Variants in GRM5 observed in about 807,000 individuals in gnomAD.
GRM5 encodes the protein metabotropic glutamate receptor 5.
Under a neutral mutation model 83.1 loss-of-function variants are expected in GRM5, and 19 were observed. The ratio of observed to expected loss-of-function variants is 0.23; its 90% CI spans 0.16 to 0.34. GRM5 has a LOEUF of 0.34. Among genes scored for constraint, GRM5 ranks in the 10% least tolerant of loss-of-function variants. The pLI is 1.00. For missense variants in GRM5, 1,160 were observed against 1,588.3 expected (o/e 0.73, Z 4.58); for synonymous variants, 675 against 633.6 (o/e 1.07, Z -0.98).
At chr11:88,994,485 A>ATATATATATATATG (rs1491507869) in intron 2 of GRM5, among the ~76,000 whole-genome samples, 1 of 123,480 alleles carries the variant, frequency 8.1e-6, no homozygotes, top group African/African-American at 3.0e-5. Flanking sequence ...ATATATATAT[A>ATATATATATATATG]TTACAATTGC....
chr11:89,039,639 C>A (rs896560328), intron 2 of GRM5, among the ~76,000 whole-genome samples: 1 of 152,166 alleles, frequency 6.6e-6, no homozygotes, highest in Admixed American at 6.5e-5. Flanking sequence ...AGCTCTTTTC[C>A]ACCTGAATTT....
chr11:89,021,140 C>G (rs1046621588), intron 2 of GRM5, among the ~76,000 whole-genome samples: 2 of 151,742 alleles, frequency 1.3e-5, no homozygotes, highest in African/African-American at 2.4e-5. Flanking sequence ...TATTTTGAAG[C>G]TAATGAAAAA....
chr11:88,944,928 C>A (rs1462656369), intron 2 of GRM5, among the ~76,000 whole-genome samples: 2 of 151,904 alleles, frequency 1.3e-5, no homozygotes, highest in African/African-American at 4.8e-5. Context: ...AACTATTATT[C>A]TTTGTGGATG....
chr11:88,517,160 C>T (rs1941543561), intron 9 of GRM5, among the ~76,000 whole-genome samples: 1 of 146,310 alleles, frequency 6.8e-6, no homozygotes. Context: ...CACACACACA[C>T]ACGTTTCTGA....
At chr11:88,968,103 C>A (rs1224353458) in intron 2 of GRM5, among the ~76,000 whole-genome samples, 1 of 151,968 alleles carries the variant, frequency 6.6e-6, no homozygotes, top group African/African-American at 2.4e-5. Flanking sequence ...TGAAAAAGCC[C>A]AATTCAGGCT....
rs142705570 is a variant in GRM5, at chr11:88,996,496, T to A, written c.661+50716A>T. Among the ~76,000 whole-genome samples the A allele has an allele frequency of 6.3e-3, 953 of 152,316 alleles. 10 individuals are homozygous for A. The highest frequency in any genetic ancestry group is 0.022 in the African/African-American group (900 of 41,552). ...AGGACAACCCAATCCTAAAGTTATA[T>A]GCAACCAACAACAAATCTTCTAGTA... is the stretch of plus-strand genomic sequence containing the variant. On this transcript the variant is annotated intron_variant, in intron 2 of 9. Transcript: ENST00000305447.
chr11:88,857,536 G>A (rs1469374656), intron 2 of GRM5, among the ~76,000 whole-genome samples: 2 of 151,976 alleles, frequency 1.3e-5, no homozygotes, highest in East Asian at 1.9e-4. Flanking sequence ...AAAATGGCCA[G>A]GAGTGGGAAA....
intron 2 of GRM5, among the ~76,000 whole-genome samples, chr11:88,929,036 CA>C (rs1268768359): frequency 1.3e-5 from 2 of 151,388 alleles, no homozygotes; most frequent in Admixed American, 6.6e-5. Flanking sequence ...TTTCTCTCAC[CA>C]AAAAAGTGGT....
At chr11:88,524,214 C>CTTTCTTTCTTTCT (rs1555060035) in intron 9 of GRM5, among the ~76,000 whole-genome samples, 14 of 101,404 alleles carry the variant, frequency 1.4e-4, no homozygotes, top group South Asian at 6.6e-4. Flanking sequence ...TTCTTTCTTT[C>CTTTCTTTCTTTCT]TTTTTTTTTT....
At position 88,569,736 on chromosome 11, in the gene GRM5, C is replaced by T. The variant is rs537079930; in HGVS notation, c.1691-1744G>A. 7.2e-5 allele frequency among the ~76,000 whole-genome samples: 11 copies of T among 152,316 alleles called. 1 individual carries two copies. The highest frequency in any genetic ancestry group is 2.4e-4 in the African/African-American group (10 of 41,578). ...CCACTCCCTGAGAACCATGGACCCCCCACTACCTGTGGACTATGCATATCC... is the reference window on the plus strand; with the variant it reads ...CCACTCCCTGAGAACCATGGACCCCTCACTACCTGTGGACTATGCATATCC... On this transcript the variant is annotated intron_variant, in intron 7 of 9. Transcript: ENST00000305447.
rs145578244 is a variant in GRM5, at chr11:88,737,188, G to A, written c.912-83785C>T. Among the ~76,000 whole-genome samples, 507 of 152,116 alleles carry A rather than the reference G, an allele frequency of 3.3e-3. 4 individuals carry two copies. The highest frequency in any genetic ancestry group is 0.011 in the African/African-American group (473 of 41,514). ...AGATGATACATTCTCATAAGTTACT[G>A]CTTCTTATGCTCAGACACAGATTTC... On this transcript the variant is annotated intron_variant, in intron 3 of 9. Coordinates refer to ENST00000305447, the MANE Select transcript of GRM5 (RefSeq NM_001143831.3).
intron 3 of GRM5, among the ~76,000 whole-genome samples, chr11:88,688,041 TG>T (rs930271207): frequency 6.6e-6 from 1 of 152,154 alleles, no homozygotes; most frequent in Admixed American, 6.5e-5. Flanking sequence ...TCACAGGTTT[TG>T]CATATAAATA....
At chr11:88,637,682 C>T (rs369741411) in intron 4 of GRM5, among the ~76,000 whole-genome samples, 13 of 146,786 alleles carry the variant, frequency 8.9e-5, no homozygotes, top group Admixed American at 1.4e-4. Flanking sequence ...TGTGGAGAAA[C>T]AGGAACACTT....
intron 3 of GRM5, among the ~76,000 whole-genome samples, chr11:88,707,489 C>T (rs1251514789): frequency 6.6e-6 from 1 of 152,032 alleles, no homozygotes. Context: ...GTGTGTTGGT[C>T]ATCACTTCAA....
At chr11:88,655,758 G>A (rs16914454) in intron 3 of GRM5, among the ~76,000 whole-genome samples, 3 of 151,076 alleles carry the variant, frequency 2.0e-5, no homozygotes, top group Admixed American at 6.6e-5. Flanking sequence ...TTATAAGTTA[G>A]AGTTGTGAGT....
At chr11:89,046,722 A>C (rs1222462201) in intron 2 of GRM5, among the ~76,000 whole-genome samples, 1 of 152,224 alleles carries the variant, frequency 6.6e-6, no homozygotes, top group Non-Finnish European at 1.5e-5. Flanking sequence ...AATAGCTGTA[A>C]GACCAAACTT....
intron 3 of GRM5, among the ~76,000 whole-genome samples, chr11:88,759,451 A>G (rs1397550276): frequency 6.6e-6 from 1 of 152,198 alleles, no homozygotes; most frequent in Non-Finnish European, 1.5e-5. Flanking sequence ...AACAGAATTT[A>G]AACCAACAAA....
At chr11:88,990,142 A>C (rs1939913373) in intron 2 of GRM5, among the ~76,000 whole-genome samples, 4 of 145,708 alleles carry the variant, frequency 2.7e-5, no homozygotes, top group Admixed American at 2.0e-4. Flanking sequence ...AAAAGAGAGA[A>C]GAATCAAATA....
chr11:88,987,692 A>G (rs1248000714), intron 2 of GRM5, among the ~76,000 whole-genome samples: 38 of 151,950 alleles, frequency 2.5e-4, no homozygotes, highest in Admixed American at 1.5e-3. Flanking sequence ...CCTCAAGTGG[A>G]TCCCTGACCC....
Sources: allele counts gnomAD v4.1 joint callset (sites outside exome capture counted in the v4.1 genomes callset), GRCh38; gene constraint gnomAD v4.1.1; transcripts MANE v1.5; gene names NCBI Gene and HGNC (gene_info 2026-07-23, HGNC 2026-07-21).